The following ANKRD28 variants were observed in gnomAD, a reference collection of about 807,000 sequenced individuals.
The protein encoded by ANKRD28 is ankyrin repeat domain 28, also known as serine/threonine-protein phosphatase 6 regulatory ankyrin repeat subunit A.
In ANKRD28, 44 loss-of-function variants were observed where a neutral mutation model predicts 126.5. The ratio of observed to expected loss-of-function variants is 0.35; its 90% CI spans 0.27 to 0.45. The LOEUF is 0.45. Ranked by LOEUF, ANKRD28 falls within the 20% of genes least tolerant of loss-of-function variation. The pLI is 1.00. For missense variants in ANKRD28, 1,110 were observed against 1,316.6 expected (o/e 0.84, Z 2.43); for synonymous variants, 442 against 468.5 (o/e 0.94, Z 0.73).
At chr3:15,737,769 C>T (rs1379332552) in intron 4 of ANKRD28, among the ~76,000 whole-genome samples, 1 of 152,028 alleles carries the variant, frequency 6.6e-6, no homozygotes, top group Non-Finnish European at 1.5e-5. Flanking sequence ...AGAGCCACAC[C>T]TGGCTCTTTG....
At chr3:15,755,207 T>C (rs1396924791) in intron 3 of ANKRD28, among the ~76,000 whole-genome samples, 1 of 152,160 alleles carries the variant, frequency 6.6e-6, no homozygotes, top group Non-Finnish European at 1.5e-5. Flanking sequence ...TTTAATTCCT[T>C]GGAAAATAAA....
intron 7 of ANKRD28, among the ~76,000 whole-genome samples, chr3:15,723,895 G>C (rs1030929909): frequency 3.9e-5 from 6 of 152,168 alleles, no homozygotes; most frequent in South Asian, 2.1e-4. Flanking sequence ...AAATAAAGCA[G>C]CATCCCCTTT....
Position 15,670,237 on chromosome 3 carries a change from C to T in ANKRD28, c.*33G>A, listed in dbSNP as rs555089934. ...TTTCCTGAAAAAGCACAGTTTGAAG[C>T]TTTACTGTGAGAACTCCCTCCTCCT... On this transcript the variant is annotated 3_prime_UTR_variant, in exon 28 of 28. Transcript: ENST00000683139. 1 of 1,602,224 alleles carries T rather than the reference C, an allele frequency of 6.2e-7. No individual in the cohort carries two copies. Among genetic ancestry groups the T allele is most frequent in the African/African-American group, 1.3e-5 (1 of 74,746 alleles).
Position 15,814,963 on chromosome 3 carries a change from C to T in ANKRD28, c.28-19657G>A, listed in dbSNP as rs2060802725. ...TTTAGTAACTTGCTTGTCTCCATCACTCCTCATTTAACAATGTGGACCTTA... is the reference window on the plus strand; with the variant it reads ...TTTAGTAACTTGCTTGTCTCCATCATTCCTCATTTAACAATGTGGACCTTA... On this transcript the variant is annotated intron_variant, in intron 1 of 27. Coordinates refer to the ANKRD28 transcript ENST00000399451. This position sits in a 1 kb window ranked among gnomAD's most constrained non-coding sequence, Gnocchi z 4.7. Among the ~76,000 whole-genome samples, 2 of 151,114 alleles carry T rather than the reference C, an allele frequency of 1.3e-5. No individual in the cohort carries two copies. Among genetic ancestry groups the T allele is most frequent in the South Asian group, 4.2e-4 (2 of 4,816 alleles).
intron 6 of ANKRD28, chr3:15,731,874 A>AAAAAAAAAGG (rs1553610861): frequency 1.7e-5 from 1 of 59,080 alleles, no homozygotes; most frequent in African/African-American, 7.3e-5. Context: ...AAAAAAAAAA[A>AAAAAAAAAGG]GGGGGGGGGG....
At chr3:15,742,684 G>C (rs1214889830) in intron 4 of ANKRD28, among the ~76,000 whole-genome samples, 617 of 670 alleles carry the variant, frequency 0.92, 285 homozygotes, top group South Asian at 1. Flanking sequence ...ATGCCAGCCT[G>C]CCCGTCCGGG....
chr3:15,679,634 G>T, intron 21 of ANKRD28, 71 bp from the exon 22 acceptor site: 1 of 1,178,124 alleles, frequency 8.5e-7, no homozygotes, highest in Non-Finnish European at 1.2e-6. Flanking sequence ...GTACATGTAA[G>T]TGTTTAAAGG....
intron 27 of ANKRD28, among the ~76,000 whole-genome samples, chr3:15,674,012 C>CA (rs2066647651): frequency 6.6e-6 from 1 of 150,658 alleles, no homozygotes; most frequent in Admixed American, 6.6e-5. Context: ...TCTGTCAGCA[C>CA]AAAAAATAAA....
intron 4 of ANKRD28, among the ~76,000 whole-genome samples, chr3:15,739,264 C>G (rs1407137615): frequency 6.6e-6 from 1 of 152,092 alleles, no homozygotes; most frequent in Non-Finnish European, 1.5e-5. Flanking sequence ...AGTGATGTGT[C>G]CATGAAATCT....
intron 3 of ANKRD28, chr3:15,756,393 A>G (rs2058156767): frequency 1.6e-6 from 1 of 638,620 alleles, no homozygotes; most frequent in Admixed American, 6.3e-5. Context: ...AGTTTTGTAA[A>G]AGAAAAGGTT....
At chr3:15,800,034 A>C (rs541968304), upstream of ANKRD28, among the ~76,000 whole-genome samples, 2 of 152,222 alleles carry the variant, frequency 1.3e-5, no homozygotes, top group African/African-American at 4.8e-5. Flanking sequence ...GAACAATTAA[A>C]ATTTCAGAAG....
chr3:15,778,653 A>C (rs926510332), intron 2 of ANKRD28, among the ~76,000 whole-genome samples: 1 of 152,152 alleles, frequency 6.6e-6, no homozygotes, highest in Non-Finnish European at 1.5e-5. Flanking sequence ...TCCTAACTCT[A>C]GACCCAGATT....
chr3:15,726,673 T>C (rs554145313), intron 6 of ANKRD28, among the ~76,000 whole-genome samples: 1 of 152,196 alleles, frequency 6.6e-6, no homozygotes, highest in African/African-American at 2.4e-5. Flanking sequence ...CTAAAAGATA[T>C]AAGATTATTA....
At chr3:15,727,553 C>T (rs528272193) in intron 6 of ANKRD28, among the ~76,000 whole-genome samples, 34 of 68,722 alleles carry the variant, frequency 4.9e-4, no homozygotes, top group South Asian at 1.0e-3. Context: ...GGCAACAAAG[C>T]GAAACTCTGT....
At chr3:15,799,422 A>G (rs1186350946), upstream of ANKRD28, among the ~76,000 whole-genome samples, 7 of 152,180 alleles carry the variant, frequency 4.6e-5, no homozygotes, top group East Asian at 9.6e-4. Flanking sequence ...GGAAGAAGCA[A>G]TAACTCTAAC....
chr3:15,792,476 A>C (rs1169000340), intron 2 of ANKRD28, among the ~76,000 whole-genome samples: 1 of 152,176 alleles, frequency 6.6e-6, no homozygotes, highest in African/African-American at 2.4e-5. Flanking sequence ...AGAAAAACAA[A>C]CATCACATGT....
chr3:15,825,283 C>A (rs2061035716), intron 1 of ANKRD28, among the ~76,000 whole-genome samples: 1 of 152,220 alleles, frequency 6.6e-6, no homozygotes, highest in Non-Finnish European at 1.5e-5. Flanking sequence ...AGGTTGGAAG[C>A]AGCTGTTGCA....
chr3:15,733,865 T>C (rs1048730528), intron 6 of ANKRD28, among the ~76,000 whole-genome samples: 3 of 152,366 alleles, frequency 2.0e-5, no homozygotes, highest in African/African-American at 7.2e-5. Context: ...CTTTTGGTTG[T>C]TTTCATTATA....
intron 1 of ANKRD28, among the ~76,000 whole-genome samples, chr3:15,820,324 G>GA (rs1464744711): frequency 1.3e-5 from 2 of 152,030 alleles, no homozygotes; most frequent in African/African-American, 4.8e-5. Context: ...TATTATACCT[G>GA]ACAGTCTTTC....
Sources: gnomAD v4.1 joint callset for allele counts (sites outside exome capture counted in the v4.1 genomes callset) on GRCh38, gnomAD v4.1.1 for gene constraint, Gnocchi (gnomAD v3.1) non-coding constraint, MANE v1.5 for transcripts, NCBI Gene and HGNC (gene_info 2026-07-23, HGNC 2026-07-21) for gene names.